Variants in HIPK2 observed in about 807,000 individuals in gnomAD.
HIPK2 encodes the protein homeodomain interacting protein kinase 2.
In HIPK2, 27 loss-of-function variants were observed where a neutral mutation model predicts 113.7. The observed-to-expected ratio is 0.24, with a 90% confidence interval of 0.17 to 0.33. The LOEUF (loss-of-function observed/expected upper bound fraction) is 0.33. Ranked by LOEUF, HIPK2 falls within the 10% of genes least tolerant of loss-of-function variation. The probability of loss-of-function intolerance (pLI) is 1.00; values close to 1 mark genes in which losing one functional copy is unlikely to be tolerated. For missense variants in HIPK2, 1,257 were observed against 1,588.0 expected, an observed-to-expected ratio of 0.79 and a Z score of 3.54; for synonymous variants, 631 against 642.2, an observed-to-expected ratio of 0.98 and a Z score of 0.26.
intron 1 of HIPK2, among the ~76,000 whole-genome samples, chr7:139,768,296 T>C (rs1796586178): frequency 6.6e-6 from 1 of 152,206 alleles, no homozygotes; most frequent in Non-Finnish European, 1.5e-5. Flanking sequence ...ACTGAAATGC[T>C]TCCCAGGCAG....
chr7:139,652,066 C>G (rs2116475852), intron 2 of HIPK2, among the ~76,000 whole-genome samples: 1 of 152,342 alleles, frequency 6.6e-6, no homozygotes. Flanking sequence ...TTGGCCTTCT[C>G]CCAATTCTCC....
chr7:139,717,547 C>T (rs954566408), intron 1 of HIPK2, among the ~76,000 whole-genome samples: 3 of 152,282 alleles, frequency 2.0e-5, no homozygotes, highest in Middle Eastern at 3.4e-3. Flanking sequence ...GCATCTTTGT[C>T]ATCGATTCTG....
chr7:139,702,524 C>T (rs1339747434), intron 2 of HIPK2, among the ~76,000 whole-genome samples: 1 of 152,168 alleles, frequency 6.6e-6, no homozygotes, highest in African/African-American at 2.4e-5. Context: ...GAAGTTCTCT[C>T]CCTGGGGGCT....
At chr7:139,688,515 A>T (rs116182274) in intron 2 of HIPK2, among the ~76,000 whole-genome samples, 1 of 152,300 alleles carries the variant, frequency 6.6e-6, no homozygotes, top group African/African-American at 2.4e-5. Flanking sequence ...AAAAGGCAGG[A>T]GCTGATGGCT....
chr7:139,626,443 C>G (rs919980412), intron 6 of HIPK2, 158 bp downstream of exon 6: 31 of 253,728 alleles, frequency 1.2e-4, no homozygotes, highest in Admixed American at 1.9e-4. Flanking sequence ...TGCAGCCTCA[C>G]TCATCTGTTT....
intron 2 of HIPK2, among the ~76,000 whole-genome samples, chr7:139,648,528 CA>C (rs1801325811): frequency 6.6e-6 from 1 of 152,228 alleles, no homozygotes; most frequent in Non-Finnish European, 1.5e-5. Flanking sequence ...ACACAGTCCC[CA>C]GCCTTGTTAC....
chr7:139,640,713 A>C (rs1010140284), intron 2 of HIPK2, among the ~76,000 whole-genome samples: 1 of 151,814 alleles, frequency 6.6e-6, no homozygotes, highest in Non-Finnish European at 1.5e-5. Flanking sequence ...GCAGTGGCAC[A>C]ATCTTGGTTG....
rs144609392 is a variant in HIPK2, at chr7:139,602,301, G to A, written c.2256-1705C>T. On this transcript the variant is annotated intron_variant, in intron 10 of 14. Coordinates refer to ENST00000406875, the MANE Select transcript of HIPK2 (RefSeq NM_022740.5). ...TTATTTTGTTGTAGCTCTTTCTCCT[G>A]TAGACAGGTGGCACTCTTTCTCTTT... Among the ~76,000 whole-genome samples, 693 of 152,226 alleles carry A rather than the reference G, an allele frequency of 4.6e-3. 7 individuals are homozygous for A. The highest frequency in any genetic ancestry group is 0.016 in the African/African-American group (650 of 41,508).
chr7:139,774,889 G>A (rs1343748215), intron 1 of HIPK2, among the ~76,000 whole-genome samples: 1 of 152,168 alleles, frequency 6.6e-6, no homozygotes, highest in Non-Finnish European at 1.5e-5. Context: ...AAACTAACAT[G>A]CTATTTATAA....
intron 12 of HIPK2, among the ~76,000 whole-genome samples, chr7:139,586,613 TA>T (rs1314011484): frequency 6.6e-6 from 1 of 150,766 alleles, no homozygotes; most frequent in Non-Finnish European, 1.5e-5. Flanking sequence ...TACAAACAAT[TA>T]AAAAAATAAG....
In HIPK2 at chr7:139,570,481, G is replaced by T. The variant is rs1005606918; in HGVS notation, c.*2446C>A. ...ACAGCCTCCAGCAGGCACTTGGCAAGACTGCCCGGCTGTGCCCAGCATGGA... is the reference window on the plus strand; with the variant it reads ...ACAGCCTCCAGCAGGCACTTGGCAATACTGCCCGGCTGTGCCCAGCATGGA... On this transcript the variant is annotated 3_prime_UTR_variant, in exon 15 of 15. Coordinates refer to ENST00000406875, the MANE Select transcript of HIPK2 (RefSeq NM_022740.5). The T allele has an allele frequency of 6.6e-6, 1 of 152,260 alleles. No homozygotes were observed. Among genetic ancestry groups the T allele is most frequent in the African/African-American group, 2.4e-5 (1 of 41,458 alleles). The allele number at this position is 152,260 out of a possible 1,614,324, so 9.4% of individuals were successfully genotyped here. A position where few individuals can be genotyped will look rare whatever the true frequency, so the allele number is the denominator to read the frequency against.
In HIPK2 at chr7:139,621,042, G is replaced by A. The variant is rs575052280; in HGVS notation, c.1620-479C>T. 3.6e-3 allele frequency among the ~76,000 whole-genome samples: 546 copies of A among 152,304 alleles called. 2 individuals carry two copies. The highest frequency in any genetic ancestry group is 0.02 in the Middle Eastern group (6 of 294). On this transcript the variant is annotated intron_variant, in intron 6 of 14. Coordinates refer to ENST00000406875, the MANE Select transcript of HIPK2 (RefSeq NM_022740.5). ...GGTCACCAGCACCACCTAGGGGACG[G>A]CCAAGGAACTCTCCAACCCAGTATG...
At chr7:139,625,578 G>A (rs918487485) in intron 6 of HIPK2, among the ~76,000 whole-genome samples, 3 of 152,192 alleles carry the variant, frequency 2.0e-5, no homozygotes, top group African/African-American at 7.2e-5. Flanking sequence ...CCTGCCCATG[G>A]GGGAGTGTCC....
chr7:139,575,009 G>A (rs1021789779), intron 14 of HIPK2, 119 bp downstream of exon 14: 10 of 1,325,372 alleles, frequency 7.5e-6, no homozygotes, highest in East Asian at 2.5e-5. Context: ...GCTGCCACCC[G>A]TGGCCAGGAC....
intron 2 of HIPK2, among the ~76,000 whole-genome samples, chr7:139,647,028 C>G (rs1376340318): frequency 1.3e-5 from 2 of 152,172 alleles, no homozygotes; most frequent in Admixed American, 1.3e-4. Context: ...GCACTCCCTG[C>G]TGACTGAGGC....
At chr7:139,641,375 A>G (rs1801013092) in intron 2 of HIPK2, among the ~76,000 whole-genome samples, 1 of 151,944 alleles carries the variant, frequency 6.6e-6, no homozygotes, top group South Asian at 2.1e-4. Context: ...TCTCAAAAAA[A>G]AAAAAAAAAA....
intron 2 of HIPK2, among the ~76,000 whole-genome samples, chr7:139,668,634 ACCTG>A (rs1802146325): frequency 6.6e-6 from 1 of 152,052 alleles, no homozygotes; most frequent in African/African-American, 2.4e-5. Flanking sequence ...GACATTTCTC[ACCTG>A]AGGCATGGAT....
At chr7:139,599,044 G>T (rs2116671781) in intron 11 of HIPK2, among the ~76,000 whole-genome samples, 1 of 152,292 alleles carries the variant, frequency 6.6e-6, no homozygotes, top group Non-Finnish European at 1.5e-5. Context: ...AAAGAAAAAG[G>T]CCTAGTTTCT....
chr7:139,687,349 G>GT (rs1339674204), intron 2 of HIPK2, among the ~76,000 whole-genome samples: 2 of 152,162 alleles, frequency 1.3e-5, no homozygotes, highest in African/African-American at 4.8e-5. Context: ...CTACACTACA[G>GT]TTTTTTATAT....
Sources: gnomAD v4.1 joint callset for allele counts (sites outside exome capture counted in the v4.1 genomes callset) on GRCh38, gnomAD v4.1.1 for gene constraint, MANE v1.5 for transcripts, NCBI Gene and HGNC (gene_info 2026-07-23, HGNC 2026-07-21) for gene names.